Variants in OPHN1 observed in about 807,000 individuals in gnomAD.
The protein encoded by OPHN1 is oligophrenin-1.
In OPHN1, 11 loss-of-function variants were observed where a neutral mutation model predicts 60.7. The ratio of observed to expected loss-of-function variants is 0.18; its 90% CI spans 0.11 to 0.30. The LOEUF (loss-of-function observed/expected upper bound fraction) is 0.30. OPHN1 is among the 10% of genes least tolerant of loss of function. The probability of loss-of-function intolerance (pLI) is 1.00; values close to 1 mark genes in which losing one functional copy is unlikely to be tolerated. For missense variants in OPHN1, 449 were observed against 611.0 expected (o/e 0.73, Z 2.80); for synonymous variants, 226 against 222.6 (o/e 1.02, Z -0.14).
intron 5 of OPHN1, among the ~76,000 whole-genome samples, chrX:68,266,303 A>T (rs2077926372): frequency 8.9e-6 from 1 of 111,950 alleles, no homozygotes; most frequent in Non-Finnish European, 1.9e-5. Flanking sequence ...CCACAAAGGG[A>T]AGTCCCTCAG....
At chrX:68,427,159 C>T in intron 2 of OPHN1, among the ~76,000 whole-genome samples, 1 of 105,518 alleles carries the variant, frequency 9.5e-6, no homozygotes, top group East Asian at 3.0e-4. Flanking sequence ...GTCCCAGCTA[C>T]TTGAGAGGTT....
chrX:68,350,929 T>TTTTTG (rs941125189), intron 2 of OPHN1, among the ~76,000 whole-genome samples: 26 of 110,974 alleles, frequency 2.3e-4, no homozygotes, highest in African/African-American at 8.2e-4. Flanking sequence ...CTGAAACTGT[T>TTTTTG]TTTTGTTTTG....
chrX:68,321,114 T>G, intron 2 of OPHN1, among the ~76,000 whole-genome samples: 1 of 111,330 alleles, frequency 9.0e-6, no homozygotes, highest in Middle Eastern at 4.7e-3. Flanking sequence ...TGATTATTGG[T>G]GACCAACTTA....
chrX:68,061,132 A>C (rs1283946416), intron 21 of OPHN1, among the ~76,000 whole-genome samples: 1 of 112,201 alleles, frequency 8.9e-6, no homozygotes, highest in Non-Finnish European at 1.9e-5. Context: ...TTTTGAAAAA[A>C]AGCTGCATCG....
chrX:68,358,780 A>G (rs1033573439), intron 2 of OPHN1, among the ~76,000 whole-genome samples: 5 of 111,768 alleles, frequency 4.5e-5, no homozygotes, highest in African/African-American at 6.5e-5. Flanking sequence ...TGGGTGACCT[A>G]TTTTGTGGTT....
At position 68,240,697 on chromosome X, in the gene OPHN1, C is replaced by G. The variant is rs1462692436; in HGVS notation, c.385-6109G>C. Among the ~76,000 whole-genome samples the G allele has an allele frequency of 2.7e-5, 3 of 111,681 alleles. No homozygotes were observed. The Admixed American group carries it at 2.9e-4, about 11-fold the overall frequency. Reference sequence around the variant, plus strand: ...TTTTGGCTTTGTTAATTACCTCTACCATTTTTTATTGTTATAGTTGTTTTT... The same window carrying G: ...TTTTGGCTTTGTTAATTACCTCTACGATTTTTTATTGTTATAGTTGTTTTT... On this transcript the variant is annotated intron_variant, in intron 5 of 24. Coordinates refer to ENST00000355520, the MANE Select transcript of OPHN1 (RefSeq NM_002547.3).
rs372973833 is a variant in OPHN1, at chrX:68,212,057, A to G, written c.702+51T>C. 8 of 932,522 alleles carry G rather than the reference A, an allele frequency of 8.6e-6. No homozygotes were observed. The African/African-American group carries it at 1.6e-4, about 18-fold the overall frequency. 76.9% of individuals were successfully genotyped at this position (932,522 alleles called of 1,213,427 possible). ...CAAGAATCAAGGTCGCTAGGGCTGA[A>G]ATTCAATCGGAATGGAAAGACCGGT... is the stretch of plus-strand genomic sequence containing the variant. On this transcript the variant is annotated intron_variant, in intron 8 of 24. Transcript: ENST00000355520.
rs917786048 is a variant in OPHN1 at position 68,042,446 on chromosome X, A to G, written c.*4726T>C. 1 of 111,556 alleles carries G rather than the reference A, an allele frequency of 9.0e-6. No homozygotes were observed. The highest frequency in any genetic ancestry group is 1.9e-5 in the Non-Finnish European group (1 of 53,140). 9.2% of individuals were successfully genotyped at this position (111,556 alleles called of 1,213,427 possible). On this transcript the variant is annotated 3_prime_UTR_variant, in exon 25 of 25. Transcript: ENST00000355520. Reference sequence around the variant, plus strand: ...TATAGCATATGTCTTTCACACAGGCAATCTTTCTAGCCCTCTACTAATGTC... The same window carrying G: ...TATAGCATATGTCTTTCACACAGGCGATCTTTCTAGCCCTCTACTAATGTC...
chrX:68,306,017 A>C (rs1006408097), intron 2 of OPHN1, among the ~76,000 whole-genome samples: 11 of 112,153 alleles, frequency 9.8e-5, no homozygotes, highest in Non-Finnish European at 2.1e-4. Context: ...CAATGGAAAT[A>C]ATTTTGAAAG....
At chrX:68,404,450 G>A (rs1035655009) in intron 2 of OPHN1, among the ~76,000 whole-genome samples, 3 of 111,152 alleles carry the variant, frequency 2.7e-5, no homozygotes, top group Non-Finnish European at 5.7e-5. Context: ...GAGCCACTGC[G>A]CCTGGCCAAA....
At chrX:68,258,054 T>G (rs1387164365) in intron 5 of OPHN1, among the ~76,000 whole-genome samples, 1 of 109,609 alleles carries the variant, frequency 9.1e-6, no homozygotes, top group East Asian at 2.9e-4. Flanking sequence ...TCACTTTGGT[T>G]ATAGACGGGA....
chrX:68,106,439 T>G (rs138363487), intron 18 of OPHN1, among the ~76,000 whole-genome samples: 1,195 of 111,298 alleles, frequency 0.011, 21 homozygotes, highest in African/African-American at 0.037. Flanking sequence ...GCAGGGCATC[T>G]GAAAGGACAG....
At chrX:68,131,190 TTTTATTTATTTATTTA>T (rs60984024) in intron 15 of OPHN1, among the ~76,000 whole-genome samples, 72 of 98,495 alleles carry the variant, frequency 7.3e-4, no homozygotes, top group African/African-American at 1.1e-3. Flanking sequence ...CAAAGAACAC[TTTTATTTATTTATTTA>T]TTTATTTATT....
At chrX:68,071,978 T>C (rs2076936638) in intron 20 of OPHN1, among the ~76,000 whole-genome samples, 1 of 111,951 alleles carries the variant, frequency 8.9e-6, no homozygotes, top group African/African-American at 3.2e-5. Context: ...CAGTGGGCAG[T>C]AGTAGAAGTT....
intron 15 of OPHN1, among the ~76,000 whole-genome samples, chrX:68,188,764 A>C (rs1420262418): frequency 3.6e-5 from 4 of 111,961 alleles, no homozygotes; most frequent in African/African-American, 1.3e-4. Context: ...TTTCTGATTA[A>C]TGTATTTATT....
At chrX:68,359,265 T>C (rs988758159) in intron 2 of OPHN1, among the ~76,000 whole-genome samples, 1 of 111,370 alleles carries the variant, frequency 9.0e-6, no homozygotes, top group Non-Finnish European at 1.9e-5. Flanking sequence ...GCAGAAAAAT[T>C]TGGGGTACAT....
intron 15 of OPHN1, among the ~76,000 whole-genome samples, chrX:68,190,978 ACTGAGTG>A (rs1257658771): frequency 8.9e-6 from 1 of 112,063 alleles, no homozygotes; most frequent in African/African-American, 3.2e-5. Flanking sequence ...ACCTGCTATG[ACTGAGTG>A]CTGTAACATC....
chrX:68,217,061 G>C (rs182838179), intron 6 of OPHN1, among the ~76,000 whole-genome samples: 1,791 of 111,536 alleles, frequency 0.016, 39 homozygotes, highest in African/African-American at 0.056. Flanking sequence ...GCGGAGGTCA[G>C]TGGGTGCGCG....
At chrX:68,429,109 C>T (rs962469017) in intron 2 of OPHN1, among the ~76,000 whole-genome samples, 1 of 111,113 alleles carries the variant, frequency 9.0e-6, no homozygotes, top group African/African-American at 3.3e-5. Flanking sequence ...ATAATTACCC[C>T]GATTTTACAG....
Sources: gnomAD v4.1 joint callset for allele counts (sites outside exome capture counted in the v4.1 genomes callset) on GRCh38, gnomAD v4.1.1 for gene constraint, MANE v1.5 for transcripts, NCBI Gene and HGNC (gene_info 2026-07-23, HGNC 2026-07-21) for gene names.